The following EDN1 variants were observed in gnomAD, a reference collection of about 807,000 sequenced individuals.
EDN1 encodes endothelin-1.
EDN1 carries 11 observed loss-of-function variants against 21.7 expected under a neutral mutation model. The ratio of observed to expected loss-of-function variants is 0.51; its 90% CI spans 0.32 to 0.84. EDN1 has a LOEUF of 0.84. Among genes scored for constraint, EDN1 ranks in the 40% least tolerant of loss-of-function variants. The pLI is 0.03. For missense variants in EDN1, 244 were observed against 262.3 expected (o/e 0.93, Z 0.48); for synonymous variants, 85 against 90.6 (o/e 0.94, Z 0.35).
At chr6:12,260,056 C>T in the EDN1 span, among the ~76,000 whole-genome samples, 5 of 151,552 alleles carry the variant, frequency 3.3e-5, no homozygotes, top group Admixed American at 6.6e-5. Flanking sequence ...TGTTCCATGC[C>T]GGAAACAAAA....
the EDN1 span, among the ~76,000 whole-genome samples, chr6:12,254,116 C>A: frequency 6.6e-6 from 1 of 152,162 alleles, no homozygotes; most frequent in South Asian, 2.1e-4. Context: ...ACACCTTTGG[C>A]ATCCCATTGT....
chr6:12,297,165 T>A lies in EDN1; in HGVS notation c.*1098T>A, dbSNP rs1243111799. 1 of 152,348 alleles carries A rather than the reference T, an allele frequency of 6.6e-6. No individual in the cohort carries two copies. The highest frequency in any genetic ancestry group is 6.5e-5 in the Admixed American group (1 of 15,308). The allele number at this position is 152,348 out of a possible 1,614,324, so 9.4% of individuals were successfully genotyped here. On this transcript the variant is annotated 3_prime_UTR_variant, in exon 5 of 5. Transcript: ENST00000379375. The stretch of plus-strand genomic sequence containing the variant: ...GTTTTGCCTGTCAAGGTAATGACTT[T>A]AGAAAATAAATATTTTTTTCCTTAC...
the EDN1 span, among the ~76,000 whole-genome samples, chr6:12,259,402 G>T: frequency 6.7e-6 from 1 of 150,264 alleles, no homozygotes; most frequent in Non-Finnish European, 1.5e-5. Flanking sequence ...TAAAAAATAA[G>T]ATTTAAATAA....
the EDN1 span, among the ~76,000 whole-genome samples, chr6:12,280,340 C>G: frequency 1.3e-5 from 2 of 152,170 alleles, 1 homozygote; most frequent in East Asian, 3.8e-4. Context: ...AAGAAAATTT[C>G]TTCCTGTATA....
At chr6:12,249,956 G>A in the EDN1 span, among the ~76,000 whole-genome samples, 71 of 152,152 alleles carry the variant, frequency 4.7e-4, no homozygotes, top group African/African-American at 1.6e-3. Context: ...GCATCAAGGG[G>A]AAGTTAAAAC....
At chr6:12,264,207 G>A in the EDN1 span, among the ~76,000 whole-genome samples, 82 of 152,308 alleles carry the variant, frequency 5.4e-4, no homozygotes, top group African/African-American at 1.9e-3. Context: ...GGCACCTGAA[G>A]CAGTACAGAT....
At chr6:12,240,840 T>C in the EDN1 span, among the ~76,000 whole-genome samples, 1 of 152,158 alleles carries the variant, frequency 6.6e-6, no homozygotes, top group African/African-American at 2.4e-5. Flanking sequence ...TTGTCTTTAA[T>C]GGGAGATCAT....
chr6:12,247,536 CTTTTT>C, the EDN1 span, among the ~76,000 whole-genome samples: 8 of 97,750 alleles, frequency 8.2e-5, no homozygotes, highest in East Asian at 5.8e-4. Flanking sequence ...TTCTTTCTTT[CTTTTT>C]TTTTTTTTTT....
the EDN1 span, among the ~76,000 whole-genome samples, chr6:12,247,540 T>C: frequency 0.02 from 1,656 of 82,286 alleles, 12 homozygotes; most frequent in African/African-American, 0.11. Flanking sequence ...TTCTTTCTTT[T>C]TTTTTTTTTT....
upstream of EDN1, among the ~76,000 whole-genome samples, chr6:12,289,366 A>G (rs1762619164): frequency 1.3e-5 from 2 of 152,170 alleles, no homozygotes; most frequent in South Asian, 4.1e-4. Context: ...GGGAATAAAT[A>G]GAATATTCTG....
chr6:12,292,249 T>A (rs1705460022), intron 1 of EDN1, 92 bp from the exon 2 acceptor site: 1 of 1,563,648 alleles, frequency 6.4e-7, no homozygotes. Context: ...TCTGCTTTTA[T>A]CTGCTCTGCT....
At chr6:12,284,602 GAGAA>G in the EDN1 span, among the ~76,000 whole-genome samples, 14 of 130,082 alleles carry the variant, frequency 1.1e-4, no homozygotes, top group African/African-American at 4.2e-4. Flanking sequence ...AAGAAAGAAA[GAGAA>G]AGAAAGGAAA....
upstream of EDN1, among the ~76,000 whole-genome samples, chr6:12,287,700 TCTCTCTCTCTCTCACACA>T (rs1277072547): frequency 1.3e-5 from 1 of 75,446 alleles, no homozygotes; most frequent in Non-Finnish European, 2.9e-5. Flanking sequence ...TCTCTCTCTC[TCTCTCTCTCTCTCACACA>T]CACACACACA....
chr6:12,233,685 G>A, the EDN1 span, among the ~76,000 whole-genome samples: 1 of 152,166 alleles, frequency 6.6e-6, no homozygotes, highest in Admixed American at 6.5e-5. Context: ...CTGGCATGTT[G>A]AAAATAAAAA....
the EDN1 span, among the ~76,000 whole-genome samples, chr6:12,252,495 G>A: frequency 6.6e-6 from 1 of 152,282 alleles, no homozygotes; most frequent in South Asian, 2.1e-4. Flanking sequence ...GTAGGGTTCT[G>A]CAGCTTGCTA....
rs554272575 is a variant in EDN1, at chr6:12,296,969, G to T, written c.*902G>T. On this transcript the variant is annotated 3_prime_UTR_variant, in exon 5 of 5. Transcript: ENST00000379375. ...TAAAATTATTTTCCTTTATATAACCGGCTAATGAAAGAGGTTGGATTGAAT... is the reference window on the plus strand; with the variant it reads ...TAAAATTATTTTCCTTTATATAACCTGCTAATGAAAGAGGTTGGATTGAAT... 4 of 152,002 alleles carry T rather than the reference G, an allele frequency of 2.6e-5. No homozygotes were observed. Among genetic ancestry groups the T allele is most frequent in the Non-Finnish European group, 5.9e-5 (4 of 68,014 alleles). The allele number at this position is 152,002 out of a possible 1,614,324, so 9.4% of individuals were successfully genotyped here.
chr6:12,296,035 C>T lies in EDN1; in HGVS notation c.607C>T (p.Arg203Cys), dbSNP rs370693989. The change falls in exon 5 of 5, where the codon CGT becomes TGT. Residue 203 changes from arginine (R) to cysteine (C), a missense_variant. By Grantham distance (180) the Arg-to-Cys change is radical. Transcript: ENST00000379375. ...GCTGAAAGGCAAGCCCTCCAGAGAG[C>T]GTTATGTGACCCACAACCGAGCACA... ...PKLKGKPSRE[R>C]YVTHNRAHW The T allele has an allele frequency of 1.8e-5, 29 of 1,613,912 alleles. No homozygotes were observed. The East Asian group carries it at 3.3e-4, about 19-fold the overall frequency.
chr6:12,234,800 T>A, the EDN1 span, among the ~76,000 whole-genome samples: 23 of 152,310 alleles, frequency 1.5e-4, no homozygotes. Context: ...GGGGACTTCA[T>A]TGGTGTCCAT....
At chr6:12,258,471 A>AAAAAAAT in the EDN1 span, among the ~76,000 whole-genome samples, 2 of 150,220 alleles carry the variant, frequency 1.3e-5, no homozygotes, top group African/African-American at 2.5e-5. Context: ...AAAAAAAAAA[A>AAAAAAAT]GCCAATTACA....
Sources: allele counts gnomAD v4.1 joint callset (sites outside exome capture counted in the v4.1 genomes callset), GRCh38; gene constraint gnomAD v4.1.1; transcripts MANE v1.5; gene names NCBI Gene and HGNC (gene_info 2026-07-23, HGNC 2026-07-21).